SLX4: variants seen among roughly 807,000 people sequenced by gnomAD.
SLX4 encodes SLX4 structure-specific endonuclease subunit, also known as structure-specific endonuclease subunit SLX4.
In SLX4, 112 loss-of-function variants were observed where a neutral mutation model predicts 146.2. That is an observed-to-expected ratio of 0.77 (90% CI 0.66 to 0.90). The LOEUF is 0.90. SLX4 is among the 40% of genes least tolerant of loss of function. The pLI, the probability that SLX4 is intolerant of heterozygous loss-of-function variation, is 0.00. For missense variants in SLX4, 2,563 were observed against 2,392.7 expected, an observed-to-expected ratio of 1.07 and a Z score of -1.49; for synonymous variants, 1,061 against 997.7, an observed-to-expected ratio of 1.06 and a Z score of -1.20.
intron 5 of SLX4, chr16:3,600,692 C>T (rs1422211667): frequency 4.7e-5 from 16 of 341,256 alleles, no homozygotes; most frequent in Non-Finnish European, 8.7e-5. Context: ...CCTCTACCTT[C>T]TGGGTTCAAG....
chr16:3,608,509 C>T lies in SLX4; in HGVS notation c.456G>A (p.Val152=), dbSNP rs757693057. 1.2e-6 allele frequency: 2 copies of T among 1,614,160 alleles called. No individual in the cohort carries two copies. The highest frequency in any genetic ancestry group is 1.1e-5 in the South Asian group (1 of 91,086). The change falls in exon 2 of 15, where the codon GTG becomes GTA. Residue 152 remains valine, a synonymous_variant. Transcript: ENST00000294008. ...GVLASAPDPP[V]LRETAQNTQT... The stretch of plus-strand genomic sequence containing the variant: ...GGGTGTTTTGTGCTGTTTCCCGGAG[C>T]ACAGGTGGATCTGGAGCAGAGGCAA...
chr16:3,593,360 C>T (rs550466320), intron 10 of SLX4, among the ~76,000 whole-genome samples: 2 of 152,226 alleles, frequency 1.3e-5, no homozygotes, highest in Non-Finnish European at 2.9e-5. Context: ...TGGCGTGAGC[C>T]ACTGCGCCCA....
chr16:3,596,012 G>A lies in SLX4; in HGVS notation c.1924+141C>T. ...CATTGACCTTTGAGAAAAAATGAAA[G>A]CGCCCAGAGGCTGCGTGTTCTCCCA... On this transcript the variant is annotated intron_variant, in intron 8 of 14. Coordinates refer to ENST00000294008, the MANE Select transcript of SLX4 (RefSeq NM_032444.4). 3.1e-6 allele frequency: 4 copies of A among 1,295,556 alleles called. No homozygotes were observed. The Admixed American group carries it at 8.5e-5, about 28-fold the overall frequency. 80.3% of individuals were successfully genotyped at this position (1,295,556 alleles called of 1,614,324 possible). A position where few individuals can be genotyped will look rare whatever the true frequency, so the allele number is the denominator to read the frequency against.
At chr16:3,592,167 C>T (rs372551790) in intron 11 of SLX4, among the ~76,000 whole-genome samples, 39 of 152,306 alleles carry the variant, frequency 2.6e-4, no homozygotes, top group African/African-American at 2.4e-4. Context: ...AAGAAAGCAG[C>T]GGAGGGAGGA....
At chr16:3,595,765 A>G in intron 8 of SLX4, 72 bp from the exon 9 acceptor site, 1 of 1,563,986 alleles carries the variant, frequency 6.4e-7, no homozygotes, top group Non-Finnish European at 8.8e-7. Context: ...GACAGCGTTG[A>G]CCACAGGCTG....
chr16:3,594,324 G>A, intron 10 of SLX4, 129 bp downstream of exon 10: 2 of 1,288,854 alleles, frequency 1.6e-6, no homozygotes, highest in Non-Finnish European at 2.2e-6. Flanking sequence ...AGAACATGGT[G>A]GGGCAGGAAG....
rs748942705 is a variant in SLX4 at position 3,590,804 on chromosome 16, T to C, written c.2834A>G (p.Glu945Gly). Reference sequence around the variant, plus strand: ...AAGCGCCTCCTCTGGCGCCTCCTGCTCAGGGGCCTCTGCTCCCCGTGCCCC... The same window carrying C: ...AAGCGCCTCCTCTGGCGCCTCCTGCCCAGGGGCCTCTGCTCCCCGTGCCCC... The part of the protein sequence containing the change: ...HSGARGAEAP[E>G]QEAPEEALGH... The change falls in exon 12 of 15, where the codon GAG becomes GGG. Residue 945 changes from glutamate (E) to glycine (G), a missense_variant. Glu to Gly is a moderately conservative substitution (Grantham distance 98). Transcript: ENST00000294008. The surrounding 1 kb of genome is among the most constrained non-coding windows in gnomAD (Gnocchi z 4.8). 7 of 1,614,020 alleles carry C rather than the reference T, an allele frequency of 4.3e-6. No homozygotes were observed. Among genetic ancestry groups the C allele is most frequent in the Non-Finnish European group, 5.9e-6 (7 of 1,180,000 alleles).
chr16:3,596,846 A>C (rs1438704031), intron 7 of SLX4, among the ~76,000 whole-genome samples: 1 of 147,388 alleles, frequency 6.8e-6, no homozygotes, highest in Non-Finnish European at 1.5e-5. Context: ...TTTTCAAGAC[A>C]GAGTCTCACT....
At position 3,581,302 on chromosome 16, in the gene SLX4, C is replaced by T. The variant is rs1434163835; in HGVS notation, c.*1040G>A. The T allele has an allele frequency of 6.5e-6, 1 of 152,764 alleles. No homozygotes were observed. The highest frequency in any genetic ancestry group is 1.9e-4 in the East Asian group (1 of 5,204). 9.5% of individuals were successfully genotyped at this position (152,764 alleles called of 1,614,324 possible). A position where few individuals can be genotyped will look rare whatever the true frequency, so the allele number is the denominator to read the frequency against. ...GGTTTCCTTCTTTCCTGGCCCTCAT[C>T]TTCCTCCACACTGCTCCTGAGGCTG... On this transcript the variant is annotated 3_prime_UTR_variant, in exon 15 of 15. Coordinates refer to ENST00000294008, the MANE Select transcript of SLX4 (RefSeq NM_032444.4).
chr16:3,589,378 TGGG>T lies in SLX4; in HGVS notation c.4257_4259del (p.Pro1420del). ...GCCAGCAGCAGTCGTCAATTGGAAT[TGGG>T]GGGTCACTGTCCAGTGGGGGGCTTC... On this transcript the variant is annotated inframe_deletion, in exon 12 of 15. Coordinates refer to ENST00000294008, the MANE Select transcript of SLX4 (RefSeq NM_032444.4). The surrounding 1 kb of genome is among the most constrained non-coding windows in gnomAD (Gnocchi z 6.2). 1 of 1,590,782 alleles carries T rather than the reference TGGG, an allele frequency of 6.3e-7. No individual in the cohort carries two copies. Among genetic ancestry groups the T allele is most frequent in the Non-Finnish European group, 8.6e-7 (1 of 1,165,546 alleles).
intron 3 of SLX4, among the ~76,000 whole-genome samples, chr16:3,604,550 C>T (rs1292879993): frequency 5.3e-5 from 8 of 151,938 alleles, no homozygotes; most frequent in East Asian, 1.9e-4. Context: ...TGGCTAGGCA[C>T]GGTGGCTCAC....
At chr16:3,582,989 G>C in intron 14 of SLX4, 108 bp downstream of exon 14, 2 of 1,416,954 alleles carry the variant, frequency 1.4e-6, no homozygotes, top group Non-Finnish European at 2.0e-6. Flanking sequence ...CCCAGAAGGT[G>C]ACGGGGGTTT....
chr16:3,602,084 A>T (rs1406080450), intron 4 of SLX4, 34 bp downstream of exon 4: 1 of 1,613,602 alleles, frequency 6.2e-7, no homozygotes, highest in Non-Finnish European at 8.5e-7. Flanking sequence ...CTGGTCACAT[A>T]CACGGGAGAG....
chr16:3,608,211 A>G (rs1259412201), intron 2 of SLX4, among the ~76,000 whole-genome samples: 1 of 152,170 alleles, frequency 6.6e-6, no homozygotes, highest in African/African-American at 2.4e-5. Flanking sequence ...AAGTTAGCAA[A>G]CTACGGTCAT....
intron 3 of SLX4, among the ~76,000 whole-genome samples, chr16:3,604,828 A>T (rs964157152): frequency 2.0e-5 from 3 of 151,858 alleles, no homozygotes; most frequent in African/African-American, 7.3e-5. Flanking sequence ...TCAAAAAAAA[A>T]AAAAAATGTA....
In SLX4 at chr16:3,589,765, C is replaced by T. The variant is rs751302297; in HGVS notation, c.3873G>A (p.Thr1291=). 24 of 1,613,532 alleles carry T rather than the reference C, an allele frequency of 1.5e-5. No individual in the cohort carries two copies. In the Admixed American group the frequency reaches 2.2e-4, roughly 15 times the overall value. The change falls in exon 12 of 15, where the codon ACG becomes ACA. Residue 1291 remains threonine (T), a synonymous_variant. Transcript: ENST00000294008. The surrounding 1 kb of genome is among the most constrained non-coding windows in gnomAD (Gnocchi z 6.2). ...CCCTGTTTCCTACTGAGGCCCTGGG[C>T]GTGTGCTGAGTCACCGCCTGCACGG... ...GLAVQAVTQH[T]PRASVGNREG...
Position 3,602,179 on chromosome 16 carries a change from G to A in SLX4, c.889C>T (p.Gln297Ter). Residue 297 changes from glutamine (Q) to a stop codon, truncating the protein, a stop_gained, in exon 4 of 15, where the codon CAG becomes TAG. Coordinates refer to ENST00000294008, the MANE Select transcript of SLX4 (RefSeq NM_032444.4). LOFTEE classifies it high-confidence loss of function. ...GCTGAGAGGTTCTTTTGACAAATCT[G>A]GCAGAAGAACAAACCCTTTTCCTCC... ...SLEEKGLFFC[Q>*]ICQKNLSAMN... The A allele has an allele frequency of 6.2e-7, 1 of 1,614,122 alleles. No homozygotes were observed. Among genetic ancestry groups the A allele is most frequent in the Non-Finnish European group, 8.5e-7 (1 of 1,180,036 alleles).
intron 12 of SLX4, among the ~76,000 whole-genome samples, chr16:3,587,368 T>C (rs1477708265): frequency 6.6e-6 from 1 of 151,754 alleles, no homozygotes; most frequent in Non-Finnish European, 1.5e-5. Flanking sequence ...TGGTGCTGGG[T>C]GCCTGTAATC....
At chr16:3,595,069 G>A (rs1325820386) in intron 9 of SLX4, among the ~76,000 whole-genome samples, 3 of 152,204 alleles carry the variant, frequency 2.0e-5, no homozygotes, top group Admixed American at 1.3e-4. Flanking sequence ...GTGCTTGGTT[G>A]ACACTGACAT....
Sources: allele counts gnomAD v4.1 joint callset (sites outside exome capture counted in the v4.1 genomes callset), GRCh38; gene constraint gnomAD v4.1.1; non-coding constraint Gnocchi (gnomAD v3.1); transcripts MANE v1.5; gene names NCBI Gene and HGNC (gene_info 2026-07-23, HGNC 2026-07-21).